Variants in IMMP2L observed in about 807,000 individuals in gnomAD.
The protein encoded by IMMP2L is inner mitochondrial membrane peptidase subunit 2.
IMMP2L carries 18 observed loss-of-function variants against 19.3 expected under a neutral mutation model. The ratio of observed to expected loss-of-function variants is 0.93; its 90% CI spans 0.64 to 1.38. The LOEUF (loss-of-function observed/expected upper bound fraction) is 1.38. Ranked by LOEUF, IMMP2L falls within the 40% of genes most tolerant of loss-of-function variation. IMMP2L has a pLI of 0.00. For synonymous variants in IMMP2L, 76 were observed against 73.0 expected (o/e 1.04, Z -0.21); for missense variants, 233 against 218.2 (o/e 1.07, Z -0.43).
chr7:111,007,251 A>G (rs140224262), intron 3 of IMMP2L, among the ~76,000 whole-genome samples: 272 of 152,218 alleles, frequency 1.8e-3, no homozygotes, highest in African/African-American at 6.3e-3. Context: ...TGAGAACAGC[A>G]TGGGGGAAAT....
At chr7:111,215,409 A>C (rs1562935331) in intron 3 of IMMP2L, among the ~76,000 whole-genome samples, 1 of 152,176 alleles carries the variant, frequency 6.6e-6, no homozygotes, top group Non-Finnish European at 1.5e-5. Context: ...ACAGCTAGCA[A>C]ATAAGTAACA....
chr7:111,428,731 T>C (rs1018143463), intron 3 of IMMP2L, among the ~76,000 whole-genome samples: 16 of 151,748 alleles, frequency 1.1e-4, no homozygotes, highest in African/African-American at 3.4e-4. Flanking sequence ...AAAGCTGAAA[T>C]GACTATCTAT....
At chr7:111,150,158 T>C (rs1586580786) in intron 3 of IMMP2L, among the ~76,000 whole-genome samples, 1 of 152,202 alleles carries the variant, frequency 6.6e-6, no homozygotes, top group Non-Finnish European at 1.5e-5. Context: ...CTTTGTAGGT[T>C]TGACAATGTA....
intron 3 of IMMP2L, among the ~76,000 whole-genome samples, chr7:111,212,060 C>A (rs186921739): frequency 6.6e-6 from 1 of 152,024 alleles, no homozygotes; most frequent in Non-Finnish European, 1.5e-5. Context: ...ATACTATAAA[C>A]GAAACTAAGG....
chr7:111,022,445 GT>G (rs1050724077), intron 3 of IMMP2L, among the ~76,000 whole-genome samples: 45 of 152,224 alleles, frequency 3.0e-4, no homozygotes, highest in African/African-American at 1.0e-3. Context: ...CTTTACAAGT[GT>G]TTTTTCAGCC....
At chr7:111,136,032 A>AT (rs545975140) in intron 3 of IMMP2L, among the ~76,000 whole-genome samples, 3,297 of 144,762 alleles carry the variant, frequency 0.023, 59 homozygotes, top group African/African-American at 0.046. Flanking sequence ...TCACCCTACA[A>AT]TTTTTTTTTT....
At chr7:110,975,460 T>C (rs770552441) in intron 3 of IMMP2L, among the ~76,000 whole-genome samples, 4 of 152,180 alleles carry the variant, frequency 2.6e-5, no homozygotes, top group Non-Finnish European at 4.4e-5. Context: ...CTGTTTTGAA[T>C]GGCTATTTCA....
At chr7:111,039,642 G>A (rs1207092491) in intron 3 of IMMP2L, among the ~76,000 whole-genome samples, 3 of 152,108 alleles carry the variant, frequency 2.0e-5, no homozygotes, top group Non-Finnish European at 4.4e-5. Flanking sequence ...TATTAACATG[G>A]TAGTGGTTTT....
At chr7:110,954,194 C>T (rs2129554529) in intron 4 of IMMP2L, among the ~76,000 whole-genome samples, 1 of 152,184 alleles carries the variant, frequency 6.6e-6, no homozygotes, top group African/African-American at 2.4e-5. Flanking sequence ...GGCTACAGAT[C>T]TCCTTCTCAT....
chr7:111,171,921 A>AG (rs66724803), intron 3 of IMMP2L, among the ~76,000 whole-genome samples: 112,362 of 150,828 alleles, frequency 0.74, 44,793 homozygotes, highest in East Asian at 0.9. Flanking sequence ...AGATGTGGTT[A>AG]GGGGTGAAGA....
rs191323645 is a variant in IMMP2L at position 110,821,561 on chromosome 7, T to A, written c.408+65032A>T. On this transcript the variant is annotated intron_variant, in intron 5 of 5. Transcript: ENST00000405709. ...TCATGAGAAAATGGAGGCTGAGACC[T>A]AGACATTTATGATATGTCATAATTA... Among the ~76,000 whole-genome samples, 159 of 152,150 alleles carry A rather than the reference T, an allele frequency of 1.0e-3. 2 individuals are homozygous for A. The highest frequency in any genetic ancestry group is 3.7e-3 in the African/African-American group (153 of 41,530).
At chr7:111,316,146 T>C (rs747366163) in intron 3 of IMMP2L, among the ~76,000 whole-genome samples, 2 of 152,130 alleles carry the variant, frequency 1.3e-5, no homozygotes, top group Non-Finnish European at 2.9e-5. Flanking sequence ...TATCCTCTTA[T>C]GGGAAGACCA....
At chr7:111,227,341 C>A (rs2129622463) in intron 3 of IMMP2L, among the ~76,000 whole-genome samples, 1 of 152,190 alleles carries the variant, frequency 6.6e-6, no homozygotes, top group South Asian at 2.1e-4. Context: ...TAAGAGATTC[C>A]CAAACTTCTT....
chr7:111,212,505 G>A (rs1427817399), intron 3 of IMMP2L, among the ~76,000 whole-genome samples: 1 of 151,970 alleles, frequency 6.6e-6, no homozygotes, highest in Non-Finnish European at 1.5e-5. Flanking sequence ...CAGATGTTCA[G>A]GAGGATGAAG....
intron 2 of IMMP2L, among the ~76,000 whole-genome samples, chr7:111,491,511 G>T (rs896534954): frequency 2.0e-5 from 3 of 151,934 alleles, no homozygotes; most frequent in African/African-American, 7.3e-5. Context: ...ATTTTAAGCA[G>T]GTCTGTACTC....
chr7:111,151,193 C>T (rs1198256021), intron 3 of IMMP2L, among the ~76,000 whole-genome samples: 1 of 152,182 alleles, frequency 6.6e-6, no homozygotes, highest in East Asian at 1.9e-4. Flanking sequence ...ATTTGTTGAA[C>T]TTAAATAGTA....
chr7:111,348,222 G>C (rs370918280), intron 3 of IMMP2L, among the ~76,000 whole-genome samples: 77 of 151,838 alleles, frequency 5.1e-4, no homozygotes, highest in African/African-American at 1.7e-3. Flanking sequence ...CACCAACATG[G>C]CACATGTATA....
intron 4 of IMMP2L, among the ~76,000 whole-genome samples, chr7:110,897,358 C>T (rs778691201): frequency 6.6e-6 from 1 of 152,136 alleles, no homozygotes; most frequent in Admixed American, 6.5e-5. Context: ...AGGCAAGTGA[C>T]AGATGAGACA....
chr7:110,974,392 T>G (rs1368938593), intron 3 of IMMP2L, among the ~76,000 whole-genome samples: 1 of 152,138 alleles, frequency 6.6e-6, no homozygotes, highest in African/African-American at 2.4e-5. Flanking sequence ...AATGACCACA[T>G]GGATAGATAT....
Sources: gnomAD v4.1 joint callset for allele counts (sites outside exome capture counted in the v4.1 genomes callset) on GRCh38, gnomAD v4.1.1 for gene constraint, MANE v1.5 for transcripts, NCBI Gene and HGNC (gene_info 2026-07-23, HGNC 2026-07-21) for gene names.